RASA3: variants seen among roughly 807,000 people sequenced by gnomAD.
RASA3 encodes ras GTPase-activating protein 3.
RASA3 carries 73 observed loss-of-function variants against 110.0 expected under a neutral mutation model. The ratio of observed to expected loss-of-function variants is 0.66; its 90% CI spans 0.55 to 0.81. The LOEUF (loss-of-function observed/expected upper bound fraction) is 0.81, where lower values mean the gene tolerates loss of function less well. Ranked by LOEUF, RASA3 falls within the 30% of genes least tolerant of loss-of-function variation. The pLI is 0.00. For missense variants in RASA3, 976 were observed against 1,113.2 expected, an observed-to-expected ratio of 0.88 and a Z score of 1.75; for synonymous variants, 500 against 451.4, an observed-to-expected ratio of 1.11 and a Z score of -1.37.
chr13:114,022,158 C>G (rs766725987), intron 8 of RASA3, among the ~76,000 whole-genome samples: 1 of 152,180 alleles, frequency 6.6e-6, no homozygotes, highest in Non-Finnish European at 1.5e-5. Flanking sequence ...CAAACCACAG[C>G]ACGGTCCACG....
Position 114,014,104 on chromosome 13 carries a change from CTGTCTCTCTCTCTCTCTCCT to C in RASA3, c.1406-876_1406-857del, listed in dbSNP as rs1401263187. On this transcript the variant is annotated intron_variant, in intron 14 of 23. Coordinates refer to ENST00000334062, the MANE Select transcript of RASA3 (RefSeq NM_007368.4). This position sits in a 1 kb window ranked among gnomAD's most constrained non-coding sequence, Gnocchi z 4.5. The stretch of plus-strand genomic sequence containing the variant: ...TCTCTGCCTCTCTCTCCGTCTCTCC[CTGTCTCTCTCTCTCTCTCCT>C]TGTCTCTCTCTGTCTCTCTCCTTCT... Among the ~76,000 whole-genome samples the C allele has an allele frequency of 1.1e-4, 17 of 149,812 alleles. No individual in the cohort carries two copies. Among genetic ancestry groups the C allele is most frequent in the African/African-American group, 3.4e-4 (14 of 40,666 alleles).
intron 22 of RASA3, among the ~76,000 whole-genome samples, 189 bp from the exon 23 acceptor site, chr13:113,982,047 G>A (rs1307774272): frequency 6.6e-6 from 1 of 152,208 alleles, no homozygotes; most frequent in East Asian, 1.9e-4. Context: ...GGCGAGTTGT[G>A]CCCACACTGA....
At chr13:114,087,933 C>A (rs934871688) in intron 1 of RASA3, among the ~76,000 whole-genome samples, 1 of 152,192 alleles carries the variant, frequency 6.6e-6, no homozygotes, top group Non-Finnish European at 1.5e-5. Context: ...AGTTGGAGAC[C>A]AGCCTGGCCA....
rs929825697 is a variant in RASA3 at position 114,011,354 on chromosome 13, C to T, written c.1513-106G>A. ...AGGAGTCACCTCAGAGCTGCTGTGGCTTGTGCATGAGCTACGGAGAAACAG... is the reference window on the plus strand; with the variant it reads ...AGGAGTCACCTCAGAGCTGCTGTGGTTTGTGCATGAGCTACGGAGAAACAG... On this transcript the variant is annotated intron_variant, in intron 15 of 23. Coordinates refer to ENST00000334062, the MANE Select transcript of RASA3 (RefSeq NM_007368.4). The surrounding 1 kb of genome is among the most constrained non-coding windows in gnomAD (Gnocchi z 4.8). 4 of 993,406 alleles carry T rather than the reference C, an allele frequency of 4.0e-6. No individual in the cohort carries two copies. In the Admixed American group the frequency reaches 8.1e-5, roughly 20 times the overall value. 61.5% of individuals were successfully genotyped at this position (993,406 alleles called of 1,614,324 possible). A position where few individuals can be genotyped will look rare whatever the true frequency, so the allele number is the denominator to read the frequency against.
At chr13:114,128,679 C>T (rs993357704) in intron 1 of RASA3, among the ~76,000 whole-genome samples, 5 of 152,386 alleles carry the variant, frequency 3.3e-5, no homozygotes, top group African/African-American at 1.2e-4. Flanking sequence ...TGGGCCAGAC[C>T]GGCCGTGGGT....
At chr13:114,030,958 T>C (rs1156843203) in intron 4 of RASA3, among the ~76,000 whole-genome samples, 1 of 151,932 alleles carries the variant, frequency 6.6e-6, no homozygotes, top group African/African-American at 2.4e-5. Context: ...TGCTGCTGTG[T>C]GCGTGTCTGC....
chr13:114,061,905 C>T (rs901213466), intron 2 of RASA3, among the ~76,000 whole-genome samples: 4 of 152,130 alleles, frequency 2.6e-5, no homozygotes, highest in African/African-American at 9.7e-5. Flanking sequence ...GACGTGTCTG[C>T]ACAGAGCACA....
intron 2 of RASA3, among the ~76,000 whole-genome samples, chr13:114,067,906 A>G (rs1372473402): frequency 6.6e-6 from 1 of 152,226 alleles, no homozygotes; most frequent in Non-Finnish European, 1.5e-5. Flanking sequence ...ACACACAAAC[A>G]AAAGAACAAG....
chr13:114,125,717 C>T (rs1006426426), intron 1 of RASA3, among the ~76,000 whole-genome samples: 1 of 152,170 alleles, frequency 6.6e-6, no homozygotes, highest in African/African-American at 2.4e-5. Context: ...ATCGCCTTCA[C>T]CTATGGTTCA....
Position 114,029,832 on chromosome 13 carries a change from A to T in RASA3, c.428T>A (p.Val143Asp). 5 of 1,590,160 alleles carry T rather than the reference A, an allele frequency of 3.1e-6. No homozygotes were observed. Among genetic ancestry groups the T allele is most frequent in the Non-Finnish European group, 4.3e-6 (5 of 1,168,964 alleles). The stretch of plus-strand genomic sequence containing the variant: ...TTACCGTGTGGCGAGCTTGTGGCAG[A>T]CGACCCCAGTGTCTGTGATGACCTC... Reference protein sequence around the residue: ...LSEVITDTGVVCHKLATRIVE... With the variant: ...LSEVITDTGVDCHKLATRIVE... Residue 143 changes from valine to aspartate, a missense_variant, in exon 5 of 24, where the codon GTC (valine) becomes GAC (aspartate). Coordinates refer to ENST00000334062, the MANE Select transcript of RASA3 (RefSeq NM_007368.4).
chr13:114,078,373 C>G (rs2079727710), intron 1 of RASA3, among the ~76,000 whole-genome samples: 1 of 152,238 alleles, frequency 6.6e-6, no homozygotes, highest in Non-Finnish European at 1.5e-5. Context: ...ACAAAGCTGT[C>G]TGTGGTATAC....
intron 12 of RASA3, 43 bp from the exon 13 acceptor site, chr13:114,016,314 G>A (rs950043780): frequency 6.9e-7 from 1 of 1,443,666 alleles, no homozygotes; most frequent in African/African-American, 1.4e-5. Context: ...TGGGTTCTGG[G>A]GGCACAGGCA....
chr13:114,011,140 T>TA lies in RASA3; in HGVS notation c.1590+30dup. ...AAGAGAGAAAAGAATCAGTTGTCCC[T>TA]AAAAAGAGAAAATGAAGAAGAGGGA... On this transcript the variant is annotated intron_variant, in intron 16 of 23. Transcript: ENST00000334062. This position sits in a 1 kb window ranked among gnomAD's most constrained non-coding sequence, Gnocchi z 4.8. 1 of 1,566,122 alleles carries TA rather than the reference T, an allele frequency of 6.4e-7. No homozygotes were observed. Among genetic ancestry groups the TA allele is most frequent in the South Asian group, 1.1e-5 (1 of 88,752 alleles).
At position 114,057,228 on chromosome 13, in the gene RASA3, C is replaced by T. The variant is rs2079260197; in HGVS notation, c.174-5073G>A. On this transcript the variant is annotated intron_variant, in intron 2 of 23. Transcript: ENST00000334062. This position sits in a 1 kb window ranked among gnomAD's most constrained non-coding sequence, Gnocchi z 5.0. ...TAAACTTAAAGTAATAAAGTTATTA[C>T]TAACTTTGTTTCCTGCGGGTCACCT... 2 of 985,344 alleles carry T rather than the reference C, an allele frequency of 2.0e-6. No individual in the cohort carries two copies. The highest frequency in any genetic ancestry group is 2.4e-6 in the Non-Finnish European group (2 of 829,868). 61.0% of individuals were successfully genotyped at this position (985,344 alleles called of 1,614,324 possible).
At position 114,078,120 on chromosome 13, in the gene RASA3, G is replaced by A. The variant is rs574903605; in HGVS notation, c.56-4283C>T. 2.1e-4 allele frequency: 122 copies of A among 587,132 alleles called. No individual in the cohort carries two copies. In the African/African-American group the frequency reaches 2.3e-3, roughly 11 times the overall value. 36.4% of individuals were successfully genotyped at this position (587,132 alleles called of 1,614,324 possible). Reference sequence around the variant, plus strand: ...AGGAGGGCTGGGGCTGCTGCAGCACGGCCTGGCCACGTCGCCCCGGGGCCT... The same window carrying A: ...AGGAGGGCTGGGGCTGCTGCAGCACAGCCTGGCCACGTCGCCCCGGGGCCT... On this transcript the variant is annotated intron_variant, in intron 1 of 23. Coordinates refer to ENST00000334062, the MANE Select transcript of RASA3 (RefSeq NM_007368.4).
At chr13:113,981,598 C>T (rs9743405) in intron 23 of RASA3, 77 bp downstream of exon 23, 2 of 1,514,182 alleles carry the variant, frequency 1.3e-6, no homozygotes, top group Middle Eastern at 2.3e-4. Flanking sequence ...CCCGGGAGCT[C>T]CCTGCAGCCC....
In RASA3 at chr13:114,096,395, C is replaced by T. The variant is rs1000272199; in HGVS notation, c.56-22558G>A. 1.5e-4 allele frequency among the ~76,000 whole-genome samples: 23 copies of T among 152,170 alleles called. No individual in the cohort carries two copies. The highest frequency in any genetic ancestry group is 4.3e-4 in the African/African-American group (18 of 41,434). ...CCGACACTGGGTGATTCTGCACGCCCGGCTCGGAACCCTGTGCATTGCCCA... is the reference window on the plus strand; with the variant it reads ...CCGACACTGGGTGATTCTGCACGCCTGGCTCGGAACCCTGTGCATTGCCCA... On this transcript the variant is annotated intron_variant, in intron 1 of 23. Coordinates refer to ENST00000334062, the MANE Select transcript of RASA3 (RefSeq NM_007368.4). This position sits in a 1 kb window ranked among gnomAD's most constrained non-coding sequence, Gnocchi z 5.1.
At position 113,979,659 on chromosome 13, in the gene RASA3, C is replaced by T. The variant is rs1053676134; in HGVS notation, c.2430-237G>A. 5.9e-5 allele frequency among the ~76,000 whole-genome samples: 9 copies of T among 152,170 alleles called. No homozygotes were observed. In the South Asian group the frequency reaches 6.2e-4, roughly 10 times the overall value. ...GTGCACGTGTGCTCTCCCTGTGGCA[C>T]GTGTGTAGCGCATATACATGTGCAG... On this transcript the variant is annotated intron_variant, in intron 23 of 23. Transcript: ENST00000334062.
Position 113,992,582 on chromosome 13 carries a change from G to C in RASA3, c.2148C>G (p.Leu716=), listed in dbSNP as rs777093974. The C allele has an allele frequency of 1.2e-6, 2 of 1,612,532 alleles. No individual in the cohort carries two copies. Among genetic ancestry groups the C allele is most frequent in the South Asian group, 2.2e-5 (2 of 91,048 alleles). The change falls in exon 22 of 24, where the codon CTC becomes CTG. Residue 716 remains leucine, a synonymous_variant. Transcript: ENST00000334062. The part of the protein sequence containing the change: ...APGCSPCTGG[L]PANIQLDIDG... ...CAATGTCCAGCTGGATGTTGGCTGG[G>C]AGGCCGCTGTCCAGACACAGCAAGA...
Sources: allele counts gnomAD v4.1 joint callset (sites outside exome capture counted in the v4.1 genomes callset), GRCh38; gene constraint gnomAD v4.1.1; non-coding constraint Gnocchi (gnomAD v3.1); transcripts MANE v1.5; gene names NCBI Gene and HGNC (gene_info 2026-07-23, HGNC 2026-07-21).